The following ACOT11 variants were observed in gnomAD, a reference collection of about 807,000 sequenced individuals.
The protein encoded by ACOT11 is acyl-coenzyme A thioesterase 11.
Under a neutral mutation model 77.5 loss-of-function variants are expected in ACOT11, and 69 were observed. That is an observed-to-expected ratio of 0.89 (90% CI 0.73 to 1.09). The LOEUF (loss-of-function observed/expected upper bound fraction) is 1.09. Among genes scored for constraint, ACOT11 ranks in the 50% least tolerant of loss-of-function variants. The pLI is 0.00. For synonymous variants in ACOT11, 279 were observed against 313.0 expected, an observed-to-expected ratio of 0.89 and a Z score of 1.15; for missense variants, 766 against 813.7, an observed-to-expected ratio of 0.94 and a Z score of 0.71.
chr1:54,599,267 C>T, intron 7 of ACOT11, 29 bp from the exon 8 acceptor site: 6 of 1,449,560 alleles, frequency 4.1e-6, no homozygotes, highest in Non-Finnish European at 5.5e-6. Context: ...AGGGGCATTC[C>T]TTCTGTCTCC....
chr1:54,584,652 C>A lies in ACOT11; in HGVS notation c.34-3C>A. 6.2e-7 allele frequency: 1 copy of A among 1,613,748 alleles called. No homozygotes were observed. Among genetic ancestry groups the A allele is most frequent in the Non-Finnish European group, 8.5e-7 (1 of 1,179,832 alleles). ...TCCCCACCTGTCCCCACCTGTACCC[C>A]AGGGCTTGGCCTCTGTGTTCTCCAA... On this transcript the variant is annotated splice_region_variant and splice_polypyrimidine_tract_variant and intron_variant, in intron 1 of 15. Transcript: ENST00000343744. This position sits in a 1 kb window ranked among gnomAD's most constrained non-coding sequence, Gnocchi z 6.3.
At position 54,609,698 on chromosome 1, in the gene ACOT11, A is replaced by G; in HGVS notation, c.*586A>G. On this transcript the variant is annotated 3_prime_UTR_variant, in exon 16 of 16. Coordinates refer to ENST00000343744, the MANE Select transcript of ACOT11 (RefSeq NM_147161.4). Reference sequence around the variant, plus strand: ...ACTCCCGTGGGAGATTTTGGCCCCAACCCACACAGGCCAATGCAAGAGGCC... The same window carrying G: ...ACTCCCGTGGGAGATTTTGGCCCCAGCCCACACAGGCCAATGCAAGAGGCC... The G allele has an allele frequency of 6.2e-7, 1 of 1,614,082 alleles. No homozygotes were observed. The highest frequency in any genetic ancestry group is 8.5e-7 in the Non-Finnish European group (1 of 1,180,028).
At chr1:54,616,333 AT>A (rs1246953215) in intron 15 of ACOT11, among the ~76,000 whole-genome samples, 5 of 151,396 alleles carry the variant, frequency 3.3e-5, no homozygotes, top group East Asian at 3.9e-4. Flanking sequence ...CATTTCGATG[AT>A]TTTTTTTCTT....
At chr1:54,578,251 T>A (rs2100971222) in intron 1 of ACOT11, among the ~76,000 whole-genome samples, 1 of 152,294 alleles carries the variant, frequency 6.6e-6, no homozygotes, top group Admixed American at 6.5e-5. Flanking sequence ...TAAACAGCAA[T>A]GGCAGGGTCT....
At position 54,609,206 on chromosome 1, in the gene ACOT11, C is replaced by T; in HGVS notation, c.*94C>T. Reference sequence around the variant, plus strand: ...TGGAGAAAGCCAAAGACCTTTATTTCTTCCTGCCTCCCCGTGGGAAGCCTC... The same window carrying T: ...TGGAGAAAGCCAAAGACCTTTATTTTTTCCTGCCTCCCCGTGGGAAGCCTC... On this transcript the variant is annotated 3_prime_UTR_variant, in exon 16 of 16. Transcript: ENST00000343744. The T allele has an allele frequency of 6.3e-7, 1 of 1,591,872 alleles. No individual in the cohort carries two copies. Among genetic ancestry groups the T allele is most frequent in the Non-Finnish European group, 8.6e-7 (1 of 1,167,630 alleles).
chr1:54,562,650 C>T (rs1569655545), intron 1 of ACOT11, among the ~76,000 whole-genome samples: 3 of 130,948 alleles, frequency 2.3e-5, no homozygotes, highest in Admixed American at 7.3e-5. Flanking sequence ...ACTTCTCAGA[C>T]GGGGTGGTTG....
chr1:54,594,808 G>T, intron 6 of ACOT11, 117 bp downstream of exon 6: 1 of 1,422,306 alleles, frequency 7.0e-7, no homozygotes, highest in South Asian at 1.4e-5. Context: ...CCACCCACTG[G>T]TGGCCCTGGG....
chr1:54,572,543 T>C (rs1225832360), intron 1 of ACOT11, among the ~76,000 whole-genome samples: 2 of 152,038 alleles, frequency 1.3e-5, no homozygotes, highest in African/African-American at 4.8e-5. Flanking sequence ...GGTTCTGTAC[T>C]GGGTGCTGTC....
chr1:54,633,746 C>T (rs984448932), intron 16 of ACOT11, among the ~76,000 whole-genome samples: 5 of 152,196 alleles, frequency 3.3e-5, no homozygotes, highest in Non-Finnish European at 7.3e-5. Context: ...TAATTGGATA[C>T]GACCTGCTCT....
At position 54,585,766 on chromosome 1, in the gene ACOT11, G is replaced by T. The variant is rs1230513827; in HGVS notation, c.242-69G>T. The T allele has an allele frequency of 1.2e-5, 18 of 1,543,340 alleles. No individual in the cohort carries two copies. In the Admixed American group the frequency reaches 3.1e-4, roughly 27 times the overall value. ...GCGGCTGGAGAAGCCTCCTGAGGAGGTGCCATCTGAGCAGAGGCCTGTGAT... is the reference window on the plus strand; with the variant it reads ...GCGGCTGGAGAAGCCTCCTGAGGAGTTGCCATCTGAGCAGAGGCCTGTGAT... On this transcript the variant is annotated intron_variant, in intron 2 of 15. Coordinates refer to ENST00000343744, the MANE Select transcript of ACOT11 (RefSeq NM_147161.4).
intron 8 of ACOT11, 33 bp from the exon 9 acceptor site, chr1:54,601,236 G>C: frequency 6.3e-7 from 1 of 1,599,442 alleles, no homozygotes; most frequent in South Asian, 1.1e-5. Flanking sequence ...GGGAAGGTCT[G>C]TCCAGGTTGG....
At chr1:54,605,281 C>T (rs531383697) in intron 13 of ACOT11, 72 bp downstream of exon 13, 23 of 1,527,640 alleles carry the variant, frequency 1.5e-5, no homozygotes, top group South Asian at 1.1e-4. Flanking sequence ...TCTCCTTCTG[C>T]GGGTCATCCT....
intron 1 of ACOT11, among the ~76,000 whole-genome samples, chr1:54,577,857 G>A (rs1466513729): frequency 6.6e-6 from 1 of 152,250 alleles, no homozygotes; most frequent in East Asian, 1.9e-4. Flanking sequence ...CTGGAGCAAA[G>A]CCGCTTGTGC....
chr1:54,604,960 T>G (rs892768603), intron 12 of ACOT11, 116 bp from the exon 13 acceptor site: 3 of 1,087,354 alleles, frequency 2.8e-6, no homozygotes, highest in African/African-American at 3.1e-5. Flanking sequence ...TTGAGCTGCG[T>G]GTTCACATTC....
At chr1:54,575,751 G>A (rs933574603) in intron 1 of ACOT11, among the ~76,000 whole-genome samples, 2 of 152,304 alleles carry the variant, frequency 1.3e-5, no homozygotes, top group African/African-American at 4.8e-5. Context: ...TGAGGTACAC[G>A]GGTGCCCGGG....
chr1:54,583,941 ACC>A (rs902374469), intron 1 of ACOT11, among the ~76,000 whole-genome samples: 4 of 151,840 alleles, frequency 2.6e-5, no homozygotes, highest in African/African-American at 7.3e-5. Flanking sequence ...TGATGGGCAC[ACC>A]CCACCTCTTC....
chr1:54,550,287 G>A (rs1337453895), intron 1 of ACOT11, among the ~76,000 whole-genome samples: 1 of 152,160 alleles, frequency 6.6e-6, no homozygotes, highest in Non-Finnish European at 1.5e-5. Flanking sequence ...GTTGAGTCTG[G>A]GGGTGGAGGT....
At chr1:54,582,605 CAG>C (rs1654350548) in intron 1 of ACOT11, 1 of 818,128 alleles carries the variant, frequency 1.2e-6, no homozygotes, top group East Asian at 1.2e-4. Context: ...AGGTGAGAAG[CAG>C]AGAGAGGACC....
At chr1:54,589,569 C>G (rs1412755853) in intron 3 of ACOT11, among the ~76,000 whole-genome samples, 1 of 152,158 alleles carries the variant, frequency 6.6e-6, no homozygotes. Flanking sequence ...CTTATGGGCT[C>G]AAGCGATCCT....
Sources: gnomAD v4.1 joint callset for allele counts (sites outside exome capture counted in the v4.1 genomes callset) on GRCh38, gnomAD v4.1.1 for gene constraint, Gnocchi (gnomAD v3.1) non-coding constraint, MANE v1.5 for transcripts, NCBI Gene and HGNC (gene_info 2026-07-23, HGNC 2026-07-21) for gene names.